The following FBLIM1 variants were observed in gnomAD, a reference collection of about 807,000 sequenced individuals.
The protein encoded by FBLIM1 is filamin-binding LIM protein 1.
FBLIM1 carries 29 observed loss-of-function variants against 37.4 expected under a neutral mutation model. The observed-to-expected ratio is 0.77, with a 90% confidence interval of 0.58 to 1.06. The LOEUF is 1.06. Among genes scored for constraint, FBLIM1 ranks in the 50% least tolerant of loss-of-function variants. The probability of loss-of-function intolerance (pLI) is 0.00; values close to 1 mark genes in which losing one functional copy is unlikely to be tolerated. For synonymous variants in FBLIM1, 193 were observed against 199.0 expected (o/e 0.97, Z 0.25); for missense variants, 449 against 505.6 (o/e 0.89, Z 1.07).
intron 8 of FBLIM1, among the ~76,000 whole-genome samples, chr1:15,777,569 TC>T (rs2069528773): frequency 6.8e-6 from 1 of 146,062 alleles, no homozygotes; most frequent in South Asian, 2.3e-4. Context: ...CAGGACTCTC[TC>T]CATTTTTTTT....
At chr1:15,771,936 A>G (rs2148584590) in intron 6 of FBLIM1, among the ~76,000 whole-genome samples, 1 of 151,748 alleles carries the variant, frequency 6.6e-6, no homozygotes. Flanking sequence ...CAGGGTTCCA[A>G]TGTTTGATCT....
At chr1:15,771,771 G>A (rs2069227220) in intron 6 of FBLIM1, among the ~76,000 whole-genome samples, 1 of 151,652 alleles carries the variant, frequency 6.6e-6, no homozygotes, top group African/African-American at 2.4e-5. Context: ...GTAACATTCG[G>A]GGTCCAGAGA....
At chr1:15,783,048 C>A (rs550128798) in intron 8 of FBLIM1, among the ~76,000 whole-genome samples, 14 of 152,268 alleles carry the variant, frequency 9.2e-5, no homozygotes, top group South Asian at 4.1e-4. Context: ...CCCGCCTCAG[C>A]CTCCCAAAGT....
At chr1:15,770,298 A>C (rs2069139263) in intron 5 of FBLIM1, 111 bp from the exon 6 acceptor site, 2 of 1,148,542 alleles carry the variant, frequency 1.7e-6, no homozygotes, top group Non-Finnish European at 2.5e-6. Flanking sequence ...CATTTGAGGA[A>C]TTTGCAGGGT....
At chr1:15,781,205 A>G (rs952168766) in intron 8 of FBLIM1, among the ~76,000 whole-genome samples, 3 of 152,062 alleles carry the variant, frequency 2.0e-5, no homozygotes, top group Non-Finnish European at 4.4e-5. Flanking sequence ...TAAAAATACA[A>G]AAATTACCTG....
chr1:15,785,635 C>CA lies in FBLIM1; in HGVS notation c.*984dup, dbSNP rs957248630. The CA allele has an allele frequency of 5.1e-4, 75 of 146,192 alleles. 1 individual carries two copies. Among genetic ancestry groups the CA allele is most frequent in the African/African-American group, 1.5e-3 (59 of 40,010 alleles). 9.1% of individuals were successfully genotyped at this position (146,192 alleles called of 1,614,324 possible). A position where few individuals can be genotyped will look rare whatever the true frequency, so the allele number is the denominator to read the frequency against. On this transcript the variant is annotated 3_prime_UTR_variant, in exon 9 of 9. Transcript: ENST00000375766. Reference sequence around the variant, plus strand: ...GGGAGACACAGCGAGACTCTGTCTCCAAAAAAAAAAGTGCTTTTTGAAAAT... The same window carrying CA: ...GGGAGACACAGCGAGACTCTGTCTCCAAAAAAAAAAAGTGCTTTTTGAAAAT...
intron 3 of FBLIM1, among the ~76,000 whole-genome samples, chr1:15,767,066 A>C (rs1224329106): frequency 2.7e-5 from 4 of 150,742 alleles, no homozygotes. Context: ...CATTTTTTTT[A>C]ATTTTTAGTA....
At chr1:15,783,096 C>G (rs1557707960) in intron 8 of FBLIM1, among the ~76,000 whole-genome samples, 1 of 151,958 alleles carries the variant, frequency 6.6e-6, no homozygotes, top group African/African-American at 2.4e-5. Context: ...GCCTGGCCCC[C>G]TATAAGGACT....
chr1:15,774,738 G>A lies in FBLIM1; in HGVS notation c.832G>A (p.Asp278Asn). Residue 278 changes from aspartate (D) to asparagine (N), a missense_variant, in exon 7 of 9, where the codon GAT (aspartate) becomes AAT (asparagine). Coordinates refer to ENST00000375766, the MANE Select transcript of FBLIM1 (RefSeq NM_017556.4). Reference protein sequence around the residue: ...TCVTCARCIGDESFALGSQNE... With the variant: ...TCVTCARCIGNESFALGSQNE... ...TGTGACCTGCGCCCGGTGCATTGGG[G>A]ATGAGAGCTTTGCCCTGGGCAGCCA... 3 of 1,614,116 alleles carry A rather than the reference G, an allele frequency of 1.9e-6. No homozygotes were observed. The highest frequency in any genetic ancestry group is 2.2e-5 in the South Asian group (2 of 91,082).
At position 15,765,231 on chromosome 1, in the gene FBLIM1, G is replaced by A. The variant is rs1193011515; in HGVS notation, c.248G>A (p.Gly83Glu). 5 of 1,610,686 alleles carry A rather than the reference G, an allele frequency of 3.1e-6. No individual in the cohort carries two copies. The African/African-American group carries it at 6.7e-5, about 22-fold the overall frequency. The change falls in exon 3 of 9, where the codon GGA becomes GAA. Residue 83 changes from glycine (G) to glutamate (E), a missense_variant and splice_region_variant. Physicochemically the swap from Gly to Glu is moderately conservative, Grantham distance 98. Transcript: ENST00000375766. This position sits in a 1 kb window ranked among gnomAD's most constrained non-coding sequence, Gnocchi z 5.9. The part of the protein sequence containing the change: ...VPAAPMQLFN[G>E]GCPPPPPVLD... ...GCTGCACCTATGCAGCTCTTCAATGGAGGTAAGAGCTGAGGGGACTTTGGG... is the reference window on the plus strand; with the variant it reads ...GCTGCACCTATGCAGCTCTTCAATGAAGGTAAGAGCTGAGGGGACTTTGGG...
Position 15,781,794 on chromosome 1 carries a change from CTGCAAG to C in FBLIM1, c.1009-2753_1009-2748del, listed in dbSNP as rs2069649177. On this transcript the variant is annotated intron_variant, in intron 8 of 8. Coordinates refer to ENST00000375766, the MANE Select transcript of FBLIM1 (RefSeq NM_017556.4). ...AGTGCAGTGGTGCAATCTCGGCTCA[CTGCAAG>C]CTGCACCTCCCGGGTTCACGCCATT... Among the ~76,000 whole-genome samples, 11 of 147,498 alleles carry C rather than the reference CTGCAAG, an allele frequency of 7.5e-5. 1 individual carries two copies. The South Asian group carries it at 2.4e-3, about 33-fold the overall frequency.
chr1:15,763,421 A>C (rs1484329813), intron 1 of FBLIM1, among the ~76,000 whole-genome samples: 2 of 151,252 alleles, frequency 1.3e-5, no homozygotes, highest in African/African-American at 4.8e-5. Flanking sequence ...TCACGAGGTC[A>C]GGAGATCAAG....
Position 15,767,390 on chromosome 1 carries a change from C to T in FBLIM1, c.265C>T (p.Pro89Ser). Reference protein sequence around the residue: ...QLFNGGCPPPPPVLDGEDVLP... With the variant: ...QLFNGGCPPPSPVLDGEDVLP... The stretch of plus-strand genomic sequence containing the variant: ...CCCCATTGCAGGATGCCCACCCCCT[C>T]CTCCTGTCCTGGATGGTGAGGACGT... Residue 89 changes from proline (P) to serine (S), a missense_variant, in exon 4 of 9, where the codon CCT becomes TCT. Physicochemically the swap from Pro to Ser is moderately conservative, Grantham distance 74 (BLOSUM62 -1). Transcript: ENST00000375766. 2 of 1,568,966 alleles carry T rather than the reference C, an allele frequency of 1.3e-6. No individual in the cohort carries two copies. Among genetic ancestry groups the T allele is most frequent in the South Asian group, 2.3e-5 (2 of 88,142 alleles).
chr1:15,783,036 C>T (rs1025432886), intron 8 of FBLIM1, among the ~76,000 whole-genome samples: 7 of 151,998 alleles, frequency 4.6e-5, no homozygotes, highest in Admixed American at 6.6e-5. Flanking sequence ...CCTCATGATC[C>T]GCCCGCCTCA....
rs1222723687 is a variant in FBLIM1 at position 15,765,007 on chromosome 1, G to T, written c.24G>T (p.Arg8Ser). The T allele has an allele frequency of 6.2e-7, 1 of 1,613,694 alleles. No homozygotes were observed. The highest frequency in any genetic ancestry group is 1.1e-5 in the South Asian group (1 of 90,998). Residue 8 changes from arginine (R) to serine (S), a missense_variant, in exon 3 of 9, where the codon AGG becomes AGT. By Grantham distance (110) the Arg-to-Ser change is moderately radical (BLOSUM62 -1). Coordinates refer to ENST00000375766, the MANE Select transcript of FBLIM1 (RefSeq NM_017556.4). This position sits in a 1 kb window ranked among gnomAD's most constrained non-coding sequence, Gnocchi z 5.9. Reference sequence around the variant, plus strand: ...CCATGGCCTCAAAGCCTGAGAAGAGGGTGGCATCGTCTGTCTTTATCACCC... The same window carrying T: ...CCATGGCCTCAAAGCCTGAGAAGAGTGTGGCATCGTCTGTCTTTATCACCC... MASKPEK[R>S]VASSVFITLA... is the part of the protein sequence containing the mutation.
chr1:15,778,215 C>T (rs770652317), intron 8 of FBLIM1, among the ~76,000 whole-genome samples: 10 of 152,046 alleles, frequency 6.6e-5, no homozygotes, highest in Non-Finnish European at 1.3e-4. Flanking sequence ...GAAGAGGATG[C>T]TGGACAGATC....
rs184478808 is a variant in FBLIM1, at chr1:15,778,935, C to A, written c.1008+1648C>A. 3.9e-5 allele frequency among the ~76,000 whole-genome samples: 6 copies of A among 151,932 alleles called. No homozygotes were observed. The East Asian group carries it at 9.7e-4, about 25-fold the overall frequency. On this transcript the variant is annotated intron_variant, in intron 8 of 8. Coordinates refer to ENST00000375766, the MANE Select transcript of FBLIM1 (RefSeq NM_017556.4). ...GGGATTACAGGCGTGAGCCACCGTG[C>A]CCAGCGTTTTTTTATTTTTGAGACA... is the stretch of plus-strand genomic sequence containing the variant.
Position 15,764,691 on chromosome 1 carries a change from G to A in FBLIM1, c.-21+6G>A, listed in dbSNP as rs1052045390. Reference sequence around the variant, plus strand: ...ACAAGGAAGAGTGATCATTGGTGAGGGCTGCCCTTTGCTCCCCTAGGTGTG... The same window carrying A: ...ACAAGGAAGAGTGATCATTGGTGAGAGCTGCCCTTTGCTCCCCTAGGTGTG... On this transcript the variant is annotated splice_donor_region_variant and intron_variant, in intron 2 of 8. Coordinates refer to ENST00000375766, the MANE Select transcript of FBLIM1 (RefSeq NM_017556.4). The A allele has an allele frequency of 8.7e-6, 4 of 460,296 alleles. No homozygotes were observed. The highest frequency in any genetic ancestry group is 3.9e-6 in the Non-Finnish European group (1 of 258,706). The allele number at this position is 460,296 out of a possible 1,614,324, so 28.5% of individuals were successfully genotyped here. A position where few individuals can be genotyped will look rare whatever the true frequency, so the allele number is the denominator to read the frequency against.
At chr1:15,774,878 TGGGTG>T in intron 7 of FBLIM1, 82 bp downstream of exon 7, 4 of 1,612,702 alleles carry the variant, frequency 2.5e-6, no homozygotes, top group Non-Finnish European at 3.4e-6. Context: ...GCTTGAGTCC[TGGGTG>T]CTGGGCCAGA....
Sources: gnomAD v4.1 joint callset for allele counts (sites outside exome capture counted in the v4.1 genomes callset) on GRCh38, gnomAD v4.1.1 for gene constraint, Gnocchi (gnomAD v3.1) non-coding constraint, MANE v1.5 for transcripts, NCBI Gene and HGNC (gene_info 2026-07-23, HGNC 2026-07-21) for gene names.